Variants in CCKAR observed in about 807,000 individuals in gnomAD.
The protein encoded by CCKAR is cholecystokinin receptor type A.
CCKAR carries 21 observed loss-of-function variants against 29.8 expected under a neutral mutation model. The ratio of observed to expected loss-of-function variants is 0.70; its 90% CI spans 0.50 to 1.01. The LOEUF is 1.01. Among genes scored for constraint, CCKAR ranks in the 50% least tolerant of loss-of-function variants. CCKAR has a pLI of 0.00. For synonymous variants in CCKAR, 238 were observed against 221.3 expected (o/e 1.08, Z -0.67); for missense variants, 570 against 560.6 (o/e 1.02, Z -0.17).
chr4:26,486,716 C>G (rs1577708180), intron 2 of CCKAR, among the ~76,000 whole-genome samples: 1 of 152,128 alleles, frequency 6.6e-6, no homozygotes, highest in African/African-American at 2.4e-5. Flanking sequence ...GAGCTTGAGA[C>G]CAGCCTGGCC....
At chr4:26,488,537 T>C (rs1737491311) in intron 2 of CCKAR, among the ~76,000 whole-genome samples, 2 of 152,230 alleles carry the variant, frequency 1.3e-5, no homozygotes, top group African/African-American at 4.8e-5. Context: ...TTCATTATCA[T>C]CATTTTTGTT....
intron 2 of CCKAR, among the ~76,000 whole-genome samples, chr4:26,487,050 T>C (rs1488979861): frequency 6.6e-6 from 1 of 152,238 alleles, no homozygotes; most frequent in Non-Finnish European, 1.5e-5. Context: ...TGTATTTGTA[T>C]ATGCATACTT....
At chr4:26,482,972 C>T (rs1221397098) in intron 4 of CCKAR, among the ~76,000 whole-genome samples, 184 bp downstream of exon 4, 1 of 152,132 alleles carries the variant, frequency 6.6e-6, no homozygotes, top group Non-Finnish European at 1.5e-5. Flanking sequence ...AATGATTTCC[C>T]CATTTTACAG....
chr4:26,485,341 CTT>C (rs1737428461), intron 3 of CCKAR, among the ~76,000 whole-genome samples: 2 of 152,158 alleles, frequency 1.3e-5, no homozygotes, highest in Admixed American at 1.3e-4. Flanking sequence ...AATTGGGAAA[CTT>C]AACCTTTCCA....
At chr4:26,482,248 C>T in intron 4 of CCKAR, 78 bp from the exon 5 acceptor site, 2 of 1,401,072 alleles carry the variant, frequency 1.4e-6, no homozygotes, top group Non-Finnish European at 2.0e-6. Flanking sequence ...CACTCCCCTC[C>T]ATCAAGAAGT....
At chr4:26,489,174 G>T in intron 2 of CCKAR, 59 bp downstream of exon 2, 1 of 1,604,120 alleles carries the variant, frequency 6.2e-7, no homozygotes, top group Non-Finnish European at 8.5e-7. Context: ...GTTTGGGAAG[G>T]TCTGGGGCTG....
chr4:26,489,070 CA>C (rs1245152791), intron 2 of CCKAR, among the ~76,000 whole-genome samples, 162 bp downstream of exon 2: 1 of 152,122 alleles, frequency 6.6e-6, no homozygotes, highest in East Asian at 1.9e-4. Context: ...GGATGACTGT[CA>C]AGCCAGCACC....
At chr4:26,489,198 G>T (rs200290624) in intron 2 of CCKAR, 35 bp downstream of exon 2, 9 of 1,612,236 alleles carry the variant, frequency 5.6e-6, no homozygotes, top group Admixed American at 5.0e-5. Flanking sequence ...GGGGTCTGGG[G>T]CAAGCTCCAG....
chr4:26,483,227 GCCA>G lies in CCKAR; in HGVS notation c.680_682del (p.Val227del), dbSNP rs778372953. On this transcript the variant is annotated inframe_deletion, in exon 4 of 5. Coordinates refer to ENST00000295589, the MANE Select transcript of CCKAR (RefSeq NM_000730.3). ...GAGTTCCAAAGAGATTAATCCATAT[GCCA>G]CCATCATCACAATTCCAGGAATAAG... 3.1e-6 allele frequency: 5 copies of G among 1,613,194 alleles called. No individual in the cohort carries two copies. In the South Asian group the frequency reaches 5.5e-5, roughly 18 times the overall value.
chr4:26,489,584 C>A, intron 1 of CCKAR, 100 bp from the exon 2 acceptor site: 2 of 1,383,392 alleles, frequency 1.4e-6, no homozygotes, highest in South Asian at 1.3e-5. Flanking sequence ...TTCCCCCCAC[C>A]GGGGTGTACA....
intron 2 of CCKAR, 64 bp downstream of exon 2, chr4:26,489,169 G>C: frequency 6.3e-7 from 1 of 1,596,422 alleles, no homozygotes; most frequent in Non-Finnish European, 8.6e-7. Context: ...CAGAGGTTTG[G>C]GAAGGTCTGG....
chr4:26,489,297 G>A lies in CCKAR; in HGVS notation c.300C>T (p.Ile100=). The A allele has an allele frequency of 6.2e-7, 1 of 1,614,172 alleles. No homozygotes were observed. Among genetic ancestry groups the A allele is most frequent in the East Asian group, 2.2e-5 (1 of 44,872 alleles). Residue 100 remains isoleucine (I), a synonymous_variant, in exon 2 of 5, where the codon ATC becomes ATT. Coordinates refer to ENST00000295589, the MANE Select transcript of CCKAR (RefSeq NM_000730.3). The part of the protein sequence containing the change: ...LCLFCMPFNL[I]PNLLKDFIFG... The stretch of plus-strand genomic sequence containing the variant: ...AGATGAAATCCTTGAGCAGATTGGG[G>A]ATGAGGTTGAACGGCATGCAGAAGA...
intron 4 of CCKAR, among the ~76,000 whole-genome samples, chr4:26,482,494 G>A (rs571919460): frequency 2.8e-4 from 42 of 152,322 alleles, no homozygotes; most frequent in Admixed American, 1.8e-3. Context: ...CCTGCTTGCT[G>A]GGTAAGATTC....
Position 26,481,549 on chromosome 4 carries a change from C to G in CCKAR, c.*89G>C. ...ATGGAGCCTTCCTTCTCCATCAGCTCTGCTCCTTCTCTTCCTGATCTCTTC... is the reference window on the plus strand; with the variant it reads ...ATGGAGCCTTCCTTCTCCATCAGCTGTGCTCCTTCTCTTCCTGATCTCTTC... On this transcript the variant is annotated 3_prime_UTR_variant, in exon 5 of 5. Coordinates refer to ENST00000295589, the MANE Select transcript of CCKAR (RefSeq NM_000730.3). The G allele has an allele frequency of 1.5e-5, 21 of 1,391,498 alleles. No individual in the cohort carries two copies. The highest frequency in any genetic ancestry group is 2.0e-5 in the Non-Finnish European group (20 of 988,060). The allele number at this position is 1,391,498 out of a possible 1,614,324, so 86.2% of individuals were successfully genotyped here. A position where few individuals can be genotyped will look rare whatever the true frequency, so the allele number is the denominator to read the frequency against.
At position 26,483,214 on chromosome 4, in the gene CCKAR, G is replaced by A. The variant is rs1257411770; in HGVS notation, c.696C>T (p.Ile232=). 5 of 1,613,618 alleles carry A rather than the reference G, an allele frequency of 3.1e-6. No homozygotes were observed. Among genetic ancestry groups the A allele is most frequent in the Non-Finnish European group, 3.4e-6 (4 of 1,179,764 alleles). The change falls in exon 4 of 5, where the codon ATC becomes ATT. Residue 232 remains isoleucine, a synonymous_variant. Coordinates refer to ENST00000295589, the MANE Select transcript of CCKAR (RefSeq NM_000730.3). ...GIVMMVAYGL[I]SLELYQGIKF... is the part of the protein sequence containing the mutation. ...TTATTCCCTGGTAGAGTTCCAAAGA[G>A]ATTAATCCATATGCCACCATCATCA...
chr4:26,486,316 T>C (rs1341366487), intron 2 of CCKAR, among the ~76,000 whole-genome samples: 2 of 152,208 alleles, frequency 1.3e-5, no homozygotes, highest in Admixed American at 1.3e-4. Context: ...AAACCCGAGA[T>C]TCTCAAGGGC....
chr4:26,486,998 T>C (rs1560369489), intron 2 of CCKAR, among the ~76,000 whole-genome samples: 1 of 152,224 alleles, frequency 6.6e-6, no homozygotes, highest in Non-Finnish European at 1.5e-5. Context: ...AACAAAATCA[T>C]GTGCTTCGGC....
rs776450923 is a variant in CCKAR, at chr4:26,481,591, C to T, written c.*47G>A. 3 of 1,598,130 alleles carry T rather than the reference C, an allele frequency of 1.9e-6. No homozygotes were observed. The highest frequency in any genetic ancestry group is 2.6e-6 in the Non-Finnish European group (3 of 1,166,320). ...GATCTCTTCTTCCGTTCTTTCTTCT[C>T]TGCCTCCTCCCTGCCTTCCTTCTGC... On this transcript the variant is annotated 3_prime_UTR_variant, in exon 5 of 5. Coordinates refer to ENST00000295589, the MANE Select transcript of CCKAR (RefSeq NM_000730.3).
rs764715715 is a variant in CCKAR, at chr4:26,481,976, C to T, written c.949G>A (p.Val317Ile). 9 of 1,614,112 alleles carry T rather than the reference C, an allele frequency of 5.6e-6. No individual in the cohort carries two copies. The highest frequency in any genetic ancestry group is 7.6e-6 in the Non-Finnish European group (9 of 1,180,048). ...CACAGGAAGAAGAGGACCACGATGA[C>T]GATGAGCATGCGGATCACCCTTTTC... ...AKKRVIRMLI[V>I]IVVLFFLCWM... Residue 317 changes from valine to isoleucine, a missense_variant, in exon 5 of 5, where the codon GTC becomes ATC. Coordinates refer to ENST00000295589, the MANE Select transcript of CCKAR (RefSeq NM_000730.3).
Sources: gnomAD v4.1 joint callset for allele counts (sites outside exome capture counted in the v4.1 genomes callset) on GRCh38, gnomAD v4.1.1 for gene constraint, MANE v1.5 for transcripts, NCBI Gene and HGNC (gene_info 2026-07-23, HGNC 2026-07-21) for gene names.